GRIN2B: variants seen among roughly 807,000 people sequenced by gnomAD.
The protein encoded by GRIN2B is glutamate receptor ionotropic, NMDA 2B.
In GRIN2B, 5 loss-of-function variants were observed where a neutral mutation model predicts 114.5. The ratio of observed to expected loss-of-function variants is 0.04; its 90% CI spans 0.02 to 0.09. The LOEUF (loss-of-function observed/expected upper bound fraction) is 0.09, where lower values mean the gene tolerates loss of function less well. Among genes scored for constraint, GRIN2B ranks in the 10% least tolerant of loss-of-function variants. The probability of loss-of-function intolerance (pLI) is 1.00; values close to 1 mark genes in which losing one functional copy is unlikely to be tolerated. For missense variants in GRIN2B, 1,108 were observed against 1,943.5 expected (o/e 0.57, Z 8.08); for synonymous variants, 787 against 745.1 (o/e 1.06, Z -0.92).
At chr12:13,893,782 T>G (rs978867370) in intron 2 of GRIN2B, among the ~76,000 whole-genome samples, 1 of 151,802 alleles carries the variant, frequency 6.6e-6, no homozygotes, top group African/African-American at 2.4e-5. Context: ...GAAAATAAAA[T>G]CAGCCAAGAA....
intron 2 of GRIN2B, among the ~76,000 whole-genome samples, chr12:13,893,536 A>C (rs1478505204): frequency 6.6e-6 from 1 of 152,198 alleles, no homozygotes; most frequent in Admixed American, 6.5e-5. Flanking sequence ...TTATTTGTTT[A>C]ATCATTATTA....
intron 2 of GRIN2B, among the ~76,000 whole-genome samples, chr12:13,949,308 TCAAA>T (rs1394498389): frequency 1.3e-5 from 2 of 152,180 alleles, no homozygotes; most frequent in African/African-American, 2.4e-5. Flanking sequence ...CAGAGACGTC[TCAAA>T]CAGAGTTTCC....
intron 4 of GRIN2B, among the ~76,000 whole-genome samples, chr12:13,679,481 C>T (rs2136544418): frequency 6.6e-6 from 1 of 152,262 alleles, no homozygotes; most frequent in South Asian, 2.1e-4. Flanking sequence ...GGGTGCTCCT[C>T]CTCTTCCAGC....
intron 4 of GRIN2B, among the ~76,000 whole-genome samples, chr12:13,750,668 C>T (rs1435760740): frequency 5.3e-5 from 8 of 152,276 alleles, no homozygotes; most frequent in Non-Finnish European, 1.0e-4. Context: ...ACTGAATCAA[C>T]AGTACATTTT....
chr12:13,664,605 G>C (rs1949956784), intron 5 of GRIN2B, among the ~76,000 whole-genome samples: 1 of 152,132 alleles, frequency 6.6e-6, no homozygotes, highest in South Asian at 2.1e-4. Flanking sequence ...CCACATGTGA[G>C]GAAACACTGA....
intron 2 of GRIN2B, among the ~76,000 whole-genome samples, chr12:13,901,637 TG>T (rs1309136584): frequency 1.2e-4 from 18 of 152,224 alleles, no homozygotes; most frequent in Admixed American, 4.6e-4. Flanking sequence ...ATATGAGTCT[TG>T]TCAGCTACGT....
intron 2 of GRIN2B, among the ~76,000 whole-genome samples, chr12:13,975,505 T>G (rs541118928): frequency 6.6e-6 from 1 of 152,370 alleles, no homozygotes; most frequent in African/African-American, 2.4e-5. Flanking sequence ...CTTTATTAAA[T>G]GAGAAGTTCA....
At chr12:13,567,530 G>A (rs766089816) in intron 12 of GRIN2B, among the ~76,000 whole-genome samples, 5 of 152,102 alleles carry the variant, frequency 3.3e-5, no homozygotes, top group East Asian at 1.9e-4. Flanking sequence ...CGTTGCTCCC[G>A]CTCTCCATTA....
At chr12:13,881,564 G>T (rs1426318358) in intron 2 of GRIN2B, among the ~76,000 whole-genome samples, 3 of 152,164 alleles carry the variant, frequency 2.0e-5, no homozygotes, top group Non-Finnish European at 4.4e-5. Flanking sequence ...TCACTGCAAG[G>T]TTGACCCATC....
At chr12:13,940,628 T>G (rs1339855764) in intron 2 of GRIN2B, among the ~76,000 whole-genome samples, 2 of 151,746 alleles carry the variant, frequency 1.3e-5, no homozygotes, top group African/African-American at 4.8e-5. Flanking sequence ...CTCAACAGAG[T>G]GTGAAGCAAG....
intron 3 of GRIN2B, among the ~76,000 whole-genome samples, chr12:13,842,043 T>C (rs1001014687): frequency 6.6e-5 from 10 of 152,172 alleles, no homozygotes; most frequent in Non-Finnish European, 1.5e-4. Context: ...GCTGTGTGCC[T>C]GGAAGGAGCA....
intron 3 of GRIN2B, among the ~76,000 whole-genome samples, chr12:13,827,002 T>C (rs2136698903): frequency 6.6e-6 from 1 of 151,076 alleles, no homozygotes; most frequent in Middle Eastern, 3.4e-3. Flanking sequence ...TTGCTAGGTG[T>C]AGAGTTCTTT....
chr12:13,599,970 G>A (rs1228181469), intron 10 of GRIN2B, among the ~76,000 whole-genome samples: 1 of 152,184 alleles, frequency 6.6e-6, no homozygotes, highest in Admixed American at 6.5e-5. Flanking sequence ...TTTGATTTTT[G>A]TTAATTAAAA....
At position 13,549,686 on chromosome 12, in the gene GRIN2B, C is replaced by A. The variant is rs1948386501; in HGVS notation, c.*13097G>T. 1 of 151,916 alleles carries A rather than the reference C, an allele frequency of 6.6e-6. No homozygotes were observed. Among genetic ancestry groups the A allele is most frequent in the Non-Finnish European group, 1.5e-5 (1 of 67,976 alleles). The allele number at this position is 151,916 out of a possible 1,614,324, so 9.4% of individuals were successfully genotyped here. Reference sequence around the variant, plus strand: ...TTTTATTTATGTGGATTACATGCTACCTAAAAAAAATTTTTAATAATAAAA... The same window carrying A: ...TTTTATTTATGTGGATTACATGCTAACTAAAAAAAATTTTTAATAATAAAA... On this transcript the variant is annotated 3_prime_UTR_variant, in exon 14 of 14. Coordinates refer to ENST00000609686, the MANE Select transcript of GRIN2B (RefSeq NM_000834.5).
chr12:13,600,734 TC>T (rs1949145793), intron 10 of GRIN2B, among the ~76,000 whole-genome samples: 2 of 152,170 alleles, frequency 1.3e-5, no homozygotes, highest in African/African-American at 4.8e-5. Flanking sequence ...CAGAAACATG[TC>T]CTCAATTCCC....
chr12:13,923,356 C>T (rs540778892), intron 2 of GRIN2B, among the ~76,000 whole-genome samples: 6 of 152,336 alleles, frequency 3.9e-5, no homozygotes, highest in African/African-American at 1.4e-4. Context: ...CTAATATTCA[C>T]ACATAACGGA....
At chr12:13,955,040 A>G (rs990097646) in intron 2 of GRIN2B, among the ~76,000 whole-genome samples, 61 of 152,120 alleles carry the variant, frequency 4.0e-4, no homozygotes, top group Non-Finnish European at 1.5e-4. Context: ...GCCTTCCCCA[A>G]TGTACCCATC....
intron 10 of GRIN2B, among the ~76,000 whole-genome samples, chr12:13,598,622 C>T (rs1591631329): frequency 6.6e-6 from 1 of 152,164 alleles, no homozygotes. Context: ...ACAGCTACCC[C>T]ACCCCCTCCA....
chr12:13,962,851 G>T (rs1014082380), intron 2 of GRIN2B, among the ~76,000 whole-genome samples: 1 of 152,188 alleles, frequency 6.6e-6, no homozygotes, highest in South Asian at 2.1e-4. Flanking sequence ...CTGCCACCTC[G>T]TCGTCCGCTA....
Sources: gnomAD v4.1 joint callset for allele counts (sites outside exome capture counted in the v4.1 genomes callset) on GRCh38, gnomAD v4.1.1 for gene constraint, MANE v1.5 for transcripts, NCBI Gene and HGNC (gene_info 2026-07-23, HGNC 2026-07-21) for gene names.